The following SETBP1 variants were observed in gnomAD, a reference collection of about 807,000 sequenced individuals.
SETBP1 encodes SET-binding protein.
A neutral mutation model predicts 101.0 loss-of-function variants in SETBP1; 9 were observed. The ratio of observed to expected loss-of-function variants is 0.09; its 90% CI spans 0.05 to 0.16. The LOEUF is 0.16. SETBP1 is among the 10% of genes least tolerant of loss of function. SETBP1 has a pLI of 1.00. For synonymous variants in SETBP1, 818 were observed against 788.5 expected, an observed-to-expected ratio of 1.04 and a Z score of -0.63; for missense variants, 1,858 against 2,033.8, an observed-to-expected ratio of 0.91 and a Z score of 1.66.
chr18:44,815,663 AC>A (rs1179326492), intron 2 of SETBP1, among the ~76,000 whole-genome samples: 1 of 152,328 alleles, frequency 6.6e-6, no homozygotes. Flanking sequence ...TCATGTATTA[AC>A]AGTGAGGCTG....
chr18:45,044,734 T>C (rs2073574659), intron 5 of SETBP1, among the ~76,000 whole-genome samples: 1 of 152,164 alleles, frequency 6.6e-6, no homozygotes, highest in Non-Finnish European at 1.5e-5. Flanking sequence ...CACAGTATTA[T>C]TTTCAAAAAA....
chr18:44,779,929 C>T lies in SETBP1; in HGVS notation c.486+78097C>T, dbSNP rs925110895. On this transcript the variant is annotated intron_variant, in intron 2 of 5. Transcript: ENST00000649279. Reference sequence around the variant, plus strand: ...AGCCCCGAACACACACACACACACACGCACGCACACACACACGCACGCACA... The same window carrying T: ...AGCCCCGAACACACACACACACACATGCACGCACACACACACGCACGCACA... Among the ~76,000 whole-genome samples the T allele has an allele frequency of 4.0e-5, 6 of 151,718 alleles. No individual in the cohort carries two copies. The East Asian group carries it at 1.2e-3, about 29-fold the overall frequency.
intron 4 of SETBP1, among the ~76,000 whole-genome samples, chr18:44,959,831 T>C (rs1333122140): frequency 6.6e-6 from 1 of 152,090 alleles, no homozygotes; most frequent in African/African-American, 2.4e-5. Context: ...GTAGGAAGCA[T>C]GACCTAGAAC....
intron 4 of SETBP1, among the ~76,000 whole-genome samples, chr18:44,996,128 T>C (rs1319826050): frequency 6.6e-6 from 1 of 152,228 alleles, no homozygotes; most frequent in Non-Finnish European, 1.5e-5. Flanking sequence ...TCTTGTTTCT[T>C]CCTCTCTCCC....
At chr18:44,965,828 A>G (rs2071710669) in intron 4 of SETBP1, among the ~76,000 whole-genome samples, 1 of 152,136 alleles carries the variant, frequency 6.6e-6, no homozygotes, top group Non-Finnish European at 1.5e-5. Context: ...CCTGGTGATG[A>G]GATCTCTAAC....
intron 2 of SETBP1, among the ~76,000 whole-genome samples, chr18:44,736,705 C>A (rs2069976206): frequency 6.6e-6 from 1 of 152,170 alleles, no homozygotes; most frequent in Non-Finnish European, 1.5e-5. Context: ...GAAAAAGGAT[C>A]AAAACAGAAG....
chr18:44,886,627 A>G (rs2069654060), intron 3 of SETBP1, among the ~76,000 whole-genome samples: 1 of 152,002 alleles, frequency 6.6e-6, no homozygotes, highest in African/African-American at 2.4e-5. Context: ...GGGCCCTGTC[A>G]CCTTTTAGAT....
intron 4 of SETBP1, among the ~76,000 whole-genome samples, chr18:44,975,747 T>C (rs112434730): frequency 2.0e-5 from 3 of 152,224 alleles, no homozygotes; most frequent in African/African-American, 7.2e-5. Context: ...TCCCAATTTA[T>C]CTGACTGCAC....
intron 2 of SETBP1, among the ~76,000 whole-genome samples, chr18:44,850,286 G>A (rs1234113763): frequency 6.6e-6 from 1 of 152,188 alleles, no homozygotes; most frequent in Non-Finnish European, 1.5e-5. Context: ...ACTCAAGGGG[G>A]TCGTCAGTCC....
At position 44,951,134 on chromosome 18, in the gene SETBP1, C is replaced by T. The variant is rs985561697; in HGVS notation, c.1794C>T (p.Val598=). 32 of 1,614,032 alleles carry T rather than the reference C, an allele frequency of 2.0e-5. No individual in the cohort carries two copies. Among genetic ancestry groups the T allele is most frequent in the African/African-American group, 8.0e-5 (6 of 74,968 alleles). ...GRPKKQPLLT[V]ETIHEGTSTS... ...CAAAGAAGCAGCCTTTGCTCACAGT[C>T]GAGACGATTCATGAGGGAACTTCCA... The change falls in exon 4 of 6, where the codon GTC becomes GTT. Residue 598 remains valine, a synonymous_variant. Transcript: ENST00000649279. This position sits in a 1 kb window ranked among gnomAD's most constrained non-coding sequence, Gnocchi z 7.8.
At chr18:44,713,338 CG>C (rs569058546) in intron 2 of SETBP1, among the ~76,000 whole-genome samples, 84 of 151,654 alleles carry the variant, frequency 5.5e-4, no homozygotes, top group African/African-American at 1.7e-3. Context: ...AAGGCCTTCA[CG>C]GGGGGGGACG....
chr18:44,881,949 C>T (rs915196510), intron 3 of SETBP1, among the ~76,000 whole-genome samples: 2 of 152,216 alleles, frequency 1.3e-5, no homozygotes, highest in African/African-American at 2.4e-5. Flanking sequence ...GAGTGTCGGA[C>T]GGATAACCAT....
intron 3 of SETBP1, among the ~76,000 whole-genome samples, chr18:44,872,353 T>C (rs2069296144): frequency 6.6e-6 from 1 of 152,190 alleles, no homozygotes; most frequent in Admixed American, 6.5e-5. Context: ...TTTTGGGGTA[T>C]AGTCTTCCGA....
chr18:44,878,747 T>C (rs1040989506), intron 3 of SETBP1, among the ~76,000 whole-genome samples: 1 of 152,148 alleles, frequency 6.6e-6, no homozygotes, highest in Non-Finnish European at 1.5e-5. Flanking sequence ...CACTCTAACC[T>C]TTTTGTCCTT....
chr18:44,735,359 T>C (rs1199481723), intron 2 of SETBP1, among the ~76,000 whole-genome samples: 2 of 152,238 alleles, frequency 1.3e-5, no homozygotes, highest in Non-Finnish European at 2.9e-5. Flanking sequence ...GTTTCTTCCT[T>C]ACAACTAAGG....
chr18:44,950,472 C>G lies in SETBP1; in HGVS notation c.1132C>G (p.Gln378Glu). Residue 378 changes from glutamine to glutamate, a missense_variant, in exon 4 of 6, where the codon CAA becomes GAA. By Grantham distance (29) the Gln-to-Glu change is conservative (BLOSUM62 2). This residue lies in a region of SETBP1 where 581 missense variants were observed against 535.1 expected (regional missense o/e 1.09). Transcript: ENST00000649279. The stretch of plus-strand genomic sequence containing the variant: ...GGAAGGTTATTCCGCAGATAGTGCC[C>G]AAGAGGCATCACCAGCCAGGCAGAA... ...KREGYSADSA[Q>E]EASPARQNVS... 1.2e-6 allele frequency: 2 copies of G among 1,614,054 alleles called. No homozygotes were observed. The highest frequency in any genetic ancestry group is 1.7e-6 in the Non-Finnish European group (2 of 1,180,006).
chr18:44,937,005 C>A (rs2145024097), intron 3 of SETBP1, among the ~76,000 whole-genome samples: 1 of 152,218 alleles, frequency 6.6e-6, no homozygotes, highest in African/African-American at 2.4e-5. Context: ...CCACCCTAGA[C>A]CCTATTTCTG....
chr18:45,048,469 A>C (rs1423062104), intron 5 of SETBP1, among the ~76,000 whole-genome samples: 1 of 152,214 alleles, frequency 6.6e-6, no homozygotes, highest in East Asian at 1.9e-4. Context: ...ATATCCATTA[A>C]CTATCCTTTA....
intron 2 of SETBP1, among the ~76,000 whole-genome samples, chr18:44,728,600 A>C (rs1169363298): frequency 6.6e-6 from 1 of 152,200 alleles, no homozygotes; most frequent in African/African-American, 2.4e-5. Context: ...AGCTTGAGTC[A>C]GATAGGCAAA....
Sources: gnomAD v4.1 joint callset for allele counts (sites outside exome capture counted in the v4.1 genomes callset) on GRCh38, gnomAD v4.1.1 for gene constraint, gnomAD v4.1.1 regional missense constraint, Gnocchi (gnomAD v3.1) non-coding constraint, MANE v1.5 for transcripts, NCBI Gene and HGNC (gene_info 2026-07-23, HGNC 2026-07-21) for gene names.